Variants in DRC11 observed in about 807,000 individuals in gnomAD.
The protein encoded by DRC11 is IQ and AAA domain-containing protein 1.
chr2:236,486,879 G>A, the DRC11 span: 55 of 1,609,784 alleles, frequency 3.4e-5, no homozygotes, highest in South Asian at 3.2e-4. The surrounding 1 kb of genome is among the most constrained non-coding windows in gnomAD (Gnocchi z 5.7). Context: ...GTTTCCTTAC[G>A]TTGATGGAAA....
chr2:236,354,051 G>C, the DRC11 span, among the ~76,000 whole-genome samples: 5 of 152,190 alleles, frequency 3.3e-5, no homozygotes, highest in African/African-American at 1.2e-4. Flanking sequence ...AAGAAGGGCA[G>C]AGGTATACTA....
At chr2:236,357,022 T>C in the DRC11 span, among the ~76,000 whole-genome samples, 1 of 129,184 alleles carries the variant, frequency 7.7e-6, no homozygotes, top group Non-Finnish European at 1.6e-5. Context: ...ATATTATATA[T>C]CTATATATTT....
chr2:236,339,539 T>G, the DRC11 span, among the ~76,000 whole-genome samples: 4 of 152,244 alleles, frequency 2.6e-5, no homozygotes, highest in Non-Finnish European at 5.9e-5. Flanking sequence ...GTTCTAGTTT[T>G]AGCCCTTATT....
the DRC11 span, chr2:236,488,283 C>A: frequency 4.3e-6 from 4 of 934,286 alleles, no homozygotes; most frequent in East Asian, 2.9e-5. Flanking sequence ...CAAACACAAT[C>A]CTGCTAAGGG....
the DRC11 span, among the ~76,000 whole-genome samples, chr2:236,496,295 T>C: frequency 6.6e-6 from 1 of 152,222 alleles, no homozygotes; most frequent in Admixed American, 6.5e-5. This position sits in a 1 kb window ranked among gnomAD's most constrained non-coding sequence, Gnocchi z 6.3. Context: ...GAGGAAAGCC[T>C]ATCTCAGAAA....
At chr2:236,413,940 T>C in the DRC11 span, among the ~76,000 whole-genome samples, 28 of 152,344 alleles carry the variant, frequency 1.8e-4, no homozygotes, top group African/African-American at 6.0e-4. This position sits in a 1 kb window ranked among gnomAD's most constrained non-coding sequence, Gnocchi z 4.0. Flanking sequence ...TACTTTGGTA[T>C]TGAAAGCACC....
At chr2:236,330,301 G>A in the DRC11 span, among the ~76,000 whole-genome samples, 16 of 152,220 alleles carry the variant, frequency 1.1e-4, no homozygotes, top group East Asian at 1.7e-3. This position sits in a 1 kb window ranked among gnomAD's most constrained non-coding sequence, Gnocchi z 5.5. Flanking sequence ...CCAGCCATAC[G>A]CATTCATTTC....
At chr2:236,411,822 C>T in the DRC11 span, among the ~76,000 whole-genome samples, 1 of 146,956 alleles carries the variant, frequency 6.8e-6, no homozygotes, top group Admixed American at 6.9e-5. Context: ...CGCATATTCT[C>T]ACTCATAGGT....
chr2:236,365,556 G>C, the DRC11 span, among the ~76,000 whole-genome samples: 20 of 152,210 alleles, frequency 1.3e-4, no homozygotes, highest in South Asian at 2.5e-3. This position sits in a 1 kb window ranked among gnomAD's most constrained non-coding sequence, Gnocchi z 7.4. Flanking sequence ...AGGTTTCTGG[G>C]AGTGGTAGAG....
At chr2:236,473,822 C>A in the DRC11 span, among the ~76,000 whole-genome samples, 1 of 151,794 alleles carries the variant, frequency 6.6e-6, no homozygotes, top group Non-Finnish European at 1.5e-5. This position sits in a 1 kb window ranked among gnomAD's most constrained non-coding sequence, Gnocchi z 4.8. Flanking sequence ...GAGAAACATT[C>A]GGTCAGGAAT....
At chr2:236,493,153 T>C in the DRC11 span, among the ~76,000 whole-genome samples, 31,845 of 152,078 alleles carry the variant, frequency 0.21, 7,209 homozygotes, top group African/African-American at 0.54. Context: ...ACAAGACAGT[T>C]TGTGCAGGGA....
chr2:236,315,087 T>C, the DRC11 span, among the ~76,000 whole-genome samples: 4 of 152,242 alleles, frequency 2.6e-5, no homozygotes, highest in South Asian at 2.1e-4. This position sits in a 1 kb window ranked among gnomAD's most constrained non-coding sequence, Gnocchi z 5.1. Flanking sequence ...GGCAGAATGA[T>C]AGACAGATGC....
chr2:236,485,056 T>C, the DRC11 span, among the ~76,000 whole-genome samples: 2 of 152,184 alleles, frequency 1.3e-5, no homozygotes, highest in Admixed American at 1.3e-4. Flanking sequence ...ATTTGCTACA[T>C]GGTTGTTTTA....
chr2:236,433,794 T>C, the DRC11 span, among the ~76,000 whole-genome samples: 1 of 152,222 alleles, frequency 6.6e-6, no homozygotes, highest in African/African-American at 2.4e-5. Context: ...CAATGGTAAA[T>C]AATAGTGGTG....
chr2:236,490,303 C>T, the DRC11 span, among the ~76,000 whole-genome samples: 2 of 152,156 alleles, frequency 1.3e-5, no homozygotes, highest in African/African-American at 2.4e-5. This position sits in a 1 kb window ranked among gnomAD's most constrained non-coding sequence, Gnocchi z 5.5. Flanking sequence ...TTATGCAAGG[C>T]CCCGTGGGTA....
At chr2:236,419,081 C>A in the DRC11 span, 439 of 1,471,996 alleles carry the variant, frequency 3.0e-4, no homozygotes, top group Non-Finnish European at 3.8e-4. This position sits in a 1 kb window ranked among gnomAD's most constrained non-coding sequence, Gnocchi z 4.8. Context: ...ATCTCATTGA[C>A]TCAAAGCAAA....
At chr2:236,500,113 GATGA>G in the DRC11 span, among the ~76,000 whole-genome samples, 7 of 150,962 alleles carry the variant, frequency 4.6e-5, no homozygotes, top group African/African-American at 1.7e-4. This position sits in a 1 kb window ranked among gnomAD's most constrained non-coding sequence, Gnocchi z 6.3. Context: ...TGATGATGAT[GATGA>G]TGGCGAAGGT....
chr2:236,329,770 A>G, the DRC11 span, among the ~76,000 whole-genome samples: 1 of 152,260 alleles, frequency 6.6e-6, no homozygotes, highest in Non-Finnish European at 1.5e-5. Context: ...TTGGGTGGAA[A>G]GGGTAATGAT....
chr2:236,455,277 C>G, the DRC11 span, among the ~76,000 whole-genome samples: 38 of 152,314 alleles, frequency 2.5e-4, no homozygotes, highest in African/African-American at 9.1e-4. This position sits in a 1 kb window ranked among gnomAD's most constrained non-coding sequence, Gnocchi z 5.7. Context: ...ATATGAATTC[C>G]AGCCTCGCCT....
Sources: allele counts gnomAD v4.1 joint callset (sites outside exome capture counted in the v4.1 genomes callset), GRCh38; gene constraint gnomAD v4.1.1; non-coding constraint Gnocchi (gnomAD v3.1); transcripts MANE v1.5; gene names NCBI Gene and HGNC (gene_info 2026-07-23, HGNC 2026-07-21).